ARHGAP42: variants seen among roughly 807,000 people sequenced by gnomAD.
The protein encoded by ARHGAP42 is rho GTPase-activating protein 42.
Under a neutral mutation model 125.0 loss-of-function variants are expected in ARHGAP42, and 63 were observed. That is an observed-to-expected ratio of 0.50 (90% CI 0.41 to 0.62). ARHGAP42 has a LOEUF of 0.62. Ranked by LOEUF, ARHGAP42 falls within the 20% of genes least tolerant of loss-of-function variation. The pLI, the probability that ARHGAP42 is intolerant of heterozygous loss-of-function variation, is 0.00. For synonymous variants in ARHGAP42, 339 were observed against 351.0 expected (o/e 0.97, Z 0.38); for missense variants, 766 against 1,024.2 (o/e 0.75, Z 3.44).
intron 2 of ARHGAP42, among the ~76,000 whole-genome samples, chr11:100,788,257 G>A (rs1350343608): frequency 1.3e-5 from 2 of 152,174 alleles, no homozygotes; most frequent in Admixed American, 1.3e-4. Flanking sequence ...TTCAGAGCGT[G>A]TTCTCAAGAT....
At chr11:100,714,835 G>A (rs1269383597) in intron 1 of ARHGAP42, among the ~76,000 whole-genome samples, 3 of 151,746 alleles carry the variant, frequency 2.0e-5, no homozygotes, top group African/African-American at 7.3e-5. Context: ...TTCGAGAGCC[G>A]AGGAGTTCAA....
chr11:100,912,853 AT>A (rs772158142), intron 4 of ARHGAP42, among the ~76,000 whole-genome samples: 3 of 152,154 alleles, frequency 2.0e-5, no homozygotes, highest in Non-Finnish European at 2.9e-5. Flanking sequence ...AATCCTTTCA[AT>A]TTATTCGACT....
At chr11:100,811,458 G>A (rs1440824471) in intron 3 of ARHGAP42, among the ~76,000 whole-genome samples, 2 of 151,720 alleles carry the variant, frequency 1.3e-5, no homozygotes, top group Non-Finnish European at 2.9e-5. Context: ...GGGAATTCAT[G>A]GAGTAGGTGA....
Position 100,802,330 on chromosome 11 carries a change from TA to T in ARHGAP42, c.312+7165del, listed in dbSNP as rs373211194. The stretch of plus-strand genomic sequence containing the variant: ...CTCTTCTTTGTTGTTTGTATTGAAA[TA>T]GTGAAGTTGACTCTCGCCTCCATGC... On this transcript the variant is annotated intron_variant, in intron 3 of 23. Coordinates refer to ENST00000298815, the MANE Select transcript of ARHGAP42 (RefSeq NM_152432.4). Among the ~76,000 whole-genome samples, 69 of 152,252 alleles carry T rather than the reference TA, an allele frequency of 4.5e-4. 1 individual carries two copies. In the East Asian group the frequency reaches 0.012, roughly 27 times the overall value.
At chr11:100,922,508 C>T (rs562217044) in intron 6 of ARHGAP42, among the ~76,000 whole-genome samples, 1 of 152,200 alleles carries the variant, frequency 6.6e-6, no homozygotes, top group South Asian at 2.1e-4. Context: ...CTTCAATTCC[C>T]ATGAGATCAG....
At chr11:100,832,355 C>G (rs1268234666) in intron 3 of ARHGAP42, among the ~76,000 whole-genome samples, 2 of 152,228 alleles carry the variant, frequency 1.3e-5, no homozygotes, top group East Asian at 1.9e-4. Flanking sequence ...ATCTGGATCT[C>G]TGATGATCTC....
chr11:100,756,183 C>T (rs375955790), intron 1 of ARHGAP42, among the ~76,000 whole-genome samples: 5 of 130,640 alleles, frequency 3.8e-5, no homozygotes, highest in South Asian at 4.7e-4. Context: ...GCCAGGAGCT[C>T]GAGACTAGCC....
chr11:100,952,382 T>A (rs973451429), intron 12 of ARHGAP42, among the ~76,000 whole-genome samples: 20 of 152,182 alleles, frequency 1.3e-4, no homozygotes, highest in African/African-American at 4.6e-4. Context: ...GCAACTTTTT[T>A]AATCTAATAA....
chr11:100,793,005 C>T (rs965243453), intron 2 of ARHGAP42, among the ~76,000 whole-genome samples: 45 of 152,128 alleles, frequency 3.0e-4, no homozygotes, highest in African/African-American at 1.1e-3. Flanking sequence ...CTGCACTCCT[C>T]AGCCTCCCAA....
At chr11:100,895,220 ATCATTCAT>A (rs143864674) in intron 4 of ARHGAP42, among the ~76,000 whole-genome samples, 2 of 152,098 alleles carry the variant, frequency 1.3e-5, no homozygotes, top group East Asian at 1.9e-4. Context: ...TTGGCTAAAC[ATCATTCAT>A]TCATTCATTC....
intron 17 of ARHGAP42, among the ~76,000 whole-genome samples, chr11:100,972,627 A>G (rs1280590408): frequency 6.6e-6 from 1 of 152,214 alleles, no homozygotes; most frequent in African/African-American, 2.4e-5. Context: ...ACTTGCAGTC[A>G]GGAGACCTGA....
chr11:100,864,100 C>A (rs903490513), intron 4 of ARHGAP42, among the ~76,000 whole-genome samples: 12 of 152,028 alleles, frequency 7.9e-5, no homozygotes, highest in Admixed American at 3.3e-4. Flanking sequence ...CAGAGAGAAT[C>A]AATTTTAAGT....
intron 4 of ARHGAP42, among the ~76,000 whole-genome samples, chr11:100,886,253 T>C (rs1362434457): frequency 1.3e-5 from 2 of 152,218 alleles, no homozygotes; most frequent in Non-Finnish European, 2.9e-5. Context: ...CAGCTTGCAT[T>C]TTTAAAAACA....
At chr11:100,968,264 G>C (rs1042801491) in intron 17 of ARHGAP42, among the ~76,000 whole-genome samples, 3 of 151,994 alleles carry the variant, frequency 2.0e-5, no homozygotes, top group Non-Finnish European at 2.9e-5. Flanking sequence ...TCTCTGACTT[G>C]ATTATATTGT....
chr11:100,740,337 A>G (rs891871182), intron 1 of ARHGAP42, among the ~76,000 whole-genome samples: 3 of 152,230 alleles, frequency 2.0e-5, no homozygotes, highest in Non-Finnish European at 2.9e-5. Flanking sequence ...TTTGCTGAGT[A>G]AACACTTGGG....
At chr11:100,869,904 C>A (rs965188140) in intron 4 of ARHGAP42, among the ~76,000 whole-genome samples, 1 of 152,112 alleles carries the variant, frequency 6.6e-6, no homozygotes, top group Non-Finnish European at 1.5e-5. Flanking sequence ...ATGTTTGAAG[C>A]TTCCCTCAAA....
At chr11:100,936,543 C>T (rs193224743) in intron 8 of ARHGAP42, among the ~76,000 whole-genome samples, 3 of 152,304 alleles carry the variant, frequency 2.0e-5, no homozygotes, top group African/African-American at 7.2e-5. Context: ...TTGGGACTTA[C>T]AGTCTTCACT....
At chr11:100,859,167 A>G (rs1330373237) in intron 3 of ARHGAP42, among the ~76,000 whole-genome samples, 1 of 152,060 alleles carries the variant, frequency 6.6e-6, no homozygotes, top group African/African-American at 2.4e-5. Context: ...GAAAAATGGA[A>G]GAGCTTTTAT....
Position 100,776,798 on chromosome 11 carries a change from C to T in ARHGAP42, c.250+6360C>T, listed in dbSNP as rs1365263854. Among the ~76,000 whole-genome samples, 6 of 152,042 alleles carry T rather than the reference C, an allele frequency of 3.9e-5. No homozygotes were observed. The East Asian group carries it at 9.6e-4, about 24-fold the overall frequency. On this transcript the variant is annotated intron_variant, in intron 2 of 23. Coordinates refer to ENST00000298815, the MANE Select transcript of ARHGAP42 (RefSeq NM_152432.4). ...AGGAGTTCAAGACCAGCCTGGTCAA[C>T]ATGGTGAAACCCCATCTCTTCTAAA... is the stretch of plus-strand genomic sequence containing the variant.
Sources: allele counts gnomAD v4.1 joint callset (sites outside exome capture counted in the v4.1 genomes callset), GRCh38; gene constraint gnomAD v4.1.1; transcripts MANE v1.5; gene names NCBI Gene and HGNC (gene_info 2026-07-23, HGNC 2026-07-21).